SFMBT2: variants seen among roughly 807,000 people sequenced by gnomAD.
SFMBT2 encodes Scm like with four mbt domains 2, also known as scm-like with four MBT domains protein 2.
Under a neutral mutation model 110.1 loss-of-function variants are expected in SFMBT2, and 38 were observed. That is an observed-to-expected ratio of 0.35 (90% CI 0.27 to 0.45). The LOEUF (loss-of-function observed/expected upper bound fraction) is 0.45, where lower values mean the gene tolerates loss of function less well. Ranked by LOEUF, SFMBT2 falls within the 20% of genes least tolerant of loss-of-function variation. SFMBT2 has a pLI of 1.00. For synonymous variants in SFMBT2, 425 were observed against 425.4 expected, an observed-to-expected ratio of 1.00 and a Z score of 0.01; for missense variants, 1,011 against 1,094.9, an observed-to-expected ratio of 0.92 and a Z score of 1.08.
rs374516612 is a variant in SFMBT2 at position 7,301,246 on chromosome 10, G to C, written c.437-15292C>G. ...AAATCAGCATGAGGCAGTTATTAGC[G>C]TCTTTATGTCATGTGCAAATCAGCG... On this transcript the variant is annotated intron_variant, in intron 4 of 20. Coordinates refer to ENST00000397167, the MANE Select transcript of SFMBT2 (RefSeq NM_001387889.1). The surrounding 1 kb of genome is among the most constrained non-coding windows in gnomAD (Gnocchi z 4.2). Among the ~76,000 whole-genome samples the C allele has an allele frequency of 1.3e-5, 2 of 152,168 alleles. No individual in the cohort carries two copies. Among genetic ancestry groups the C allele is most frequent in the Non-Finnish European group, 2.9e-5 (2 of 68,026 alleles).
chr10:7,264,115 T>C (rs1032910364), intron 7 of SFMBT2: 2 of 244,098 alleles, frequency 8.2e-6, no homozygotes, highest in Non-Finnish European at 6.6e-6. Context: ...TCTTTCTTGG[T>C]TTGTGTGGGG....
At chr10:7,383,635 A>C (rs1845492029) in intron 1 of SFMBT2, among the ~76,000 whole-genome samples, 1 of 152,192 alleles carries the variant, frequency 6.6e-6, no homozygotes, top group Non-Finnish European at 1.5e-5. Context: ...GGCAAACAGC[A>C]ATCTAGGCAT....
intron 6 of SFMBT2, chr10:7,277,506 A>G (rs1841820112): frequency 4.5e-6 from 1 of 220,284 alleles, no homozygotes; most frequent in Non-Finnish European, 7.7e-6. Flanking sequence ...GTAAATTAAA[A>G]TTTACCAAGT....
intron 4 of SFMBT2, among the ~76,000 whole-genome samples, chr10:7,353,777 A>G (rs1013905046): frequency 6.6e-6 from 1 of 152,130 alleles, no homozygotes; most frequent in Non-Finnish European, 1.5e-5. Flanking sequence ...GATACCTTCC[A>G]TCCTACATTT....
chr10:7,388,665 C>A (rs1208288019), intron 1 of SFMBT2, among the ~76,000 whole-genome samples: 1 of 151,744 alleles, frequency 6.6e-6, no homozygotes, highest in Non-Finnish European at 1.5e-5. Flanking sequence ...CATGAGCCAC[C>A]ACACCCCACC....
chr10:7,380,212 C>T (rs1845383404), intron 2 of SFMBT2, among the ~76,000 whole-genome samples: 1 of 152,138 alleles, frequency 6.6e-6, no homozygotes, highest in Non-Finnish European at 1.5e-5. Flanking sequence ...ACAACTATGC[C>T]TTCTCAGAAA....
At chr10:7,261,434 C>T (rs1841198738) in intron 7 of SFMBT2, among the ~76,000 whole-genome samples, 1 of 152,224 alleles carries the variant, frequency 6.6e-6, no homozygotes, top group Non-Finnish European at 1.5e-5. Flanking sequence ...CCTGCAGTCT[C>T]TCAGAATCTT....
chr10:7,386,350 C>T (rs552192266), intron 1 of SFMBT2, among the ~76,000 whole-genome samples: 5 of 152,100 alleles, frequency 3.3e-5, no homozygotes, highest in African/African-American at 1.2e-4. Flanking sequence ...GGGAGTGGTT[C>T]GCAATCCCAG....
chr10:7,310,986 G>C (rs1842838112), intron 4 of SFMBT2, among the ~76,000 whole-genome samples: 1 of 145,776 alleles, frequency 6.9e-6, no homozygotes, highest in African/African-American at 2.5e-5. Context: ...GGCAGAGGTT[G>C]CAGTGAGCCA....
chr10:7,357,064 T>C (rs757243937), intron 4 of SFMBT2, among the ~76,000 whole-genome samples: 8 of 152,228 alleles, frequency 5.3e-5, no homozygotes, highest in Non-Finnish European at 1.2e-4. Context: ...GTTAAGGGCA[T>C]CTATATTCAG....
chr10:7,190,544 C>T (rs962520163), intron 15 of SFMBT2, among the ~76,000 whole-genome samples: 10 of 152,228 alleles, frequency 6.6e-5, no homozygotes, highest in Non-Finnish European at 1.3e-4. Flanking sequence ...CATCATCCGT[C>T]TCCAAATTCA....
At chr10:7,258,735 T>C in intron 7 of SFMBT2, among the ~76,000 whole-genome samples, 1 of 152,242 alleles carries the variant, frequency 6.6e-6, no homozygotes, top group East Asian at 1.9e-4. Context: ...AATGACCTAG[T>C]GCTCAGATGT....
rs569407729 is a variant in SFMBT2, at chr10:7,288,770, C to G, written c.437-2816G>C. On this transcript the variant is annotated intron_variant, in intron 4 of 20. Coordinates refer to ENST00000397167, the MANE Select transcript of SFMBT2 (RefSeq NM_001387889.1). ...CAGCGGCCAGGTGCGGTGGCTCACACCTGCAATCCCAGCACTTTGGGAGGC... is the reference window on the plus strand; with the variant it reads ...CAGCGGCCAGGTGCGGTGGCTCACAGCTGCAATCCCAGCACTTTGGGAGGC... Among the ~76,000 whole-genome samples the G allele has an allele frequency of 9.9e-5, 15 of 152,128 alleles. No individual in the cohort carries two copies. The South Asian group carries it at 2.9e-3, about 29-fold the overall frequency.
intron 4 of SFMBT2, among the ~76,000 whole-genome samples, chr10:7,308,472 G>A (rs1021231371): frequency 1.3e-5 from 2 of 152,172 alleles, no homozygotes; most frequent in Admixed American, 6.5e-5. Flanking sequence ...ATTGAAAGGT[G>A]GAGGTCACTT....
intron 7 of SFMBT2, among the ~76,000 whole-genome samples, chr10:7,269,947 C>T (rs1281687792): frequency 6.6e-6 from 1 of 151,436 alleles, no homozygotes; most frequent in Non-Finnish European, 1.5e-5. Flanking sequence ...TAGAGAGTGC[C>T]ACTGTGTTAT....
intron 11 of SFMBT2, among the ~76,000 whole-genome samples, chr10:7,218,666 T>C (rs1335781124): frequency 1.3e-5 from 2 of 152,250 alleles, no homozygotes; most frequent in Non-Finnish European, 2.9e-5. Flanking sequence ...AGCTGACTTC[T>C]ATTTCTTTGC....
intron 10 of SFMBT2, among the ~76,000 whole-genome samples, chr10:7,222,341 T>C (rs990723593): frequency 1.3e-5 from 2 of 152,222 alleles, no homozygotes; most frequent in East Asian, 1.9e-4. Flanking sequence ...CGTAAGTATA[T>C]TAATCTGCTC....
Position 7,173,851 on chromosome 10 carries a change from G to A in SFMBT2, c.1985-1190C>T, listed in dbSNP as rs544369035. On this transcript the variant is annotated intron_variant, in intron 17 of 20. Coordinates refer to ENST00000397167, the MANE Select transcript of SFMBT2 (RefSeq NM_001387889.1). ...ACCCCTGGTTTGCAGCAGCCCCGTT[G>A]CAGGGAGCATGATTTTAGTGCATTC... Among the ~76,000 whole-genome samples the A allele has an allele frequency of 5.3e-5, 8 of 152,296 alleles. No individual in the cohort carries two copies. In the East Asian group the frequency reaches 1.5e-3, roughly 29 times the overall value.
Position 7,370,708 on chromosome 10 carries a change from C to T in SFMBT2, c.101-333G>A, listed in dbSNP as rs557221883. 13 of 350,630 alleles carry T rather than the reference C, an allele frequency of 3.7e-5. No homozygotes were observed. The Admixed American group carries it at 6.4e-4, about 17-fold the overall frequency. The allele number at this position is 350,630 out of a possible 1,614,324, so 21.7% of individuals were successfully genotyped here. ...AATTAGCTGCAGTAGACATCCCAGCCTGCAGGGAGGCTGGAGGACAAGGCG... is the reference window on the plus strand; with the variant it reads ...AATTAGCTGCAGTAGACATCCCAGCTTGCAGGGAGGCTGGAGGACAAGGCG... On this transcript the variant is annotated intron_variant, in intron 2 of 20. Transcript: ENST00000397167.
Sources: allele counts gnomAD v4.1 joint callset (sites outside exome capture counted in the v4.1 genomes callset), GRCh38; gene constraint gnomAD v4.1.1; non-coding constraint Gnocchi (gnomAD v3.1); transcripts MANE v1.5; gene names NCBI Gene and HGNC (gene_info 2026-07-23, HGNC 2026-07-21).